The following RNF144A variants were observed in gnomAD, a reference collection of about 807,000 sequenced individuals.
RNF144A encodes the protein E3 ubiquitin-protein ligase RNF144A.
RNF144A carries 11 observed loss-of-function variants against 38.7 expected under a neutral mutation model. The ratio of observed to expected loss-of-function variants is 0.28; its 90% CI spans 0.18 to 0.47. RNF144A has a LOEUF of 0.47. Ranked by LOEUF, RNF144A falls within the 20% of genes least tolerant of loss-of-function variation. The pLI is 0.99. For missense variants in RNF144A, 316 were observed against 377.2 expected, an observed-to-expected ratio of 0.84 and a Z score of 1.34; for synonymous variants, 149 against 143.9, an observed-to-expected ratio of 1.04 and a Z score of -0.25.
Position 6,996,902 on chromosome 2 carries a change from T to C in RNF144A, c.-11-14T>C. On this transcript the variant is annotated splice_polypyrimidine_tract_variant and intron_variant, in intron 2 of 8. Transcript: ENST00000320892. ...GGTGGGGAGGTCTGACCTTCCGTGCTTCTCTCGTTTCAGACTGTTCTGCGA... is the reference window on the plus strand; with the variant it reads ...GGTGGGGAGGTCTGACCTTCCGTGCCTCTCTCGTTTCAGACTGTTCTGCGA... 2 of 1,610,576 alleles carry C rather than the reference T, an allele frequency of 1.2e-6. No homozygotes were observed. The highest frequency in any genetic ancestry group is 1.3e-5 in the African/African-American group (1 of 74,954).
intron 2 of RNF144A, among the ~76,000 whole-genome samples, chr2:6,990,969 T>A (rs1190370252): frequency 6.6e-6 from 1 of 152,204 alleles, no homozygotes; most frequent in Non-Finnish European, 1.5e-5. Flanking sequence ...TTCTTGCAGG[T>A]AGTAATATGC....
At chr2:7,057,450 T>A (rs1252267837) in intron 6 of RNF144A, among the ~76,000 whole-genome samples, 1 of 152,202 alleles carries the variant, frequency 6.6e-6, no homozygotes, top group African/African-American at 2.4e-5. Context: ...GGCAGTAAGA[T>A]GTTAGACAGT....
At position 6,943,882 on chromosome 2, in the gene RNF144A, C is replaced by T. The variant is rs542241957; in HGVS notation, c.-12+2735C>T. ...AAAGTCCTCTAGAGAGATGGAGGTG[C>T]AGAGCGGTCACCTGAAGCATTCACA... On this transcript the variant is annotated intron_variant, in intron 2 of 8. Transcript: ENST00000320892. The surrounding 1 kb of genome is among the most constrained non-coding windows in gnomAD (Gnocchi z 4.3). Among the ~76,000 whole-genome samples, 1 of 152,258 alleles carries T rather than the reference C, an allele frequency of 6.6e-6. No individual in the cohort carries two copies. Among genetic ancestry groups the T allele is most frequent in the Non-Finnish European group, 1.5e-5 (1 of 68,012 alleles).
intron 3 of RNF144A, among the ~76,000 whole-genome samples, chr2:7,006,684 C>A (rs1670462561): frequency 6.6e-6 from 1 of 152,144 alleles, no homozygotes; most frequent in Non-Finnish European, 1.5e-5. Context: ...CTCTCCATGG[C>A]CACCTCCCCA....
intron 7 of RNF144A, 127 bp downstream of exon 7, chr2:7,024,643 CGTTT>C: frequency 3.8e-6 from 4 of 1,053,312 alleles, no homozygotes; most frequent in Non-Finnish European, 5.4e-6. Flanking sequence ...GAAGCAACAC[CGTTT>C]GGTGTTTCTC....
Position 7,043,267 on chromosome 2 carries a change from G to A in RNF144A, c.*3507G>A, listed in dbSNP as rs72783733. 9,637 of 985,012 alleles carry A rather than the reference G, an allele frequency of 9.8e-3. 60 individuals are homozygous for A. The highest frequency in any genetic ancestry group is 0.011 in the Non-Finnish European group (9,038 of 829,558). The allele number at this position is 985,012 out of a possible 1,614,324, so 61.0% of individuals were successfully genotyped here. A position where few individuals can be genotyped will look rare whatever the true frequency, so the allele number is the denominator to read the frequency against. On this transcript the variant is annotated 3_prime_UTR_variant, in exon 9 of 9. Transcript: ENST00000320892. ...CCTGATTAGAACACAGGACCTGTGG[G>A]AGGGACTATCAGAGATGCAAAAATT...
intron 5 of RNF144A, among the ~76,000 whole-genome samples, chr2:7,016,135 A>C (rs983225122): frequency 2.0e-5 from 3 of 151,828 alleles, no homozygotes; most frequent in Non-Finnish European, 4.4e-5. Context: ...AAGAAAAAGA[A>C]AAAAATATGT....
Position 7,039,842 on chromosome 2 carries a change from A to G in RNF144A, c.*82A>G. The G allele has an allele frequency of 6.4e-7, 1 of 1,553,190 alleles. No individual in the cohort carries two copies. The highest frequency in any genetic ancestry group is 8.7e-7 in the Non-Finnish European group (1 of 1,147,524). On this transcript the variant is annotated 3_prime_UTR_variant, in exon 9 of 9. Coordinates refer to ENST00000320892, the MANE Select transcript of RNF144A (RefSeq NM_014746.6). ...CCCTCCCCACCGTCCCCCCTTCACT[A>G]AACATCTTTCTTGCCTTATGTGCCC...
At chr2:6,965,776 ATC>A (rs1351883746) in intron 2 of RNF144A, among the ~76,000 whole-genome samples, 1 of 152,150 alleles carries the variant, frequency 6.6e-6, no homozygotes, top group African/African-American at 2.4e-5. Flanking sequence ...TTAAAAGGAA[ATC>A]TCTCTTTTAC....
chr2:6,978,888 T>A (rs1198543075), intron 2 of RNF144A: 1 of 152,652 alleles, frequency 6.6e-6, no homozygotes, highest in Non-Finnish European at 1.5e-5. Context: ...CCCATTGTTG[T>A]CCAGCAAAGG....
At chr2:7,037,040 C>A (rs1023591821) in intron 8 of RNF144A, among the ~76,000 whole-genome samples, 1 of 152,208 alleles carries the variant, frequency 6.6e-6, no homozygotes, top group Admixed American at 6.5e-5. Flanking sequence ...ACGAACGAAG[C>A]TGTGCTGTAC....
chr2:6,921,645 G>T (rs1308200114), intron 1 of RNF144A, among the ~76,000 whole-genome samples: 2 of 152,198 alleles, frequency 1.3e-5, no homozygotes, highest in Non-Finnish European at 2.9e-5. Flanking sequence ...GTAGTCTAGG[G>T]AGCGGGAAGC....
At chr2:7,000,838 A>G (rs1219505899) in intron 3 of RNF144A, among the ~76,000 whole-genome samples, 1 of 150,612 alleles carries the variant, frequency 6.6e-6, no homozygotes, top group Non-Finnish European at 1.5e-5. Context: ...ATATACACAT[A>G]TATTTTATAT....
At chr2:7,008,024 G>A (rs993768802) in intron 3 of RNF144A, among the ~76,000 whole-genome samples, 8 of 152,206 alleles carry the variant, frequency 5.3e-5, no homozygotes, top group Non-Finnish European at 1.2e-4. Context: ...TGGTATAGTG[G>A]AAAGCACAGT....
rs562595171 is a variant in RNF144A, at chr2:6,962,003, C to T, written c.-12+20856C>T. On this transcript the variant is annotated intron_variant, in intron 2 of 8. Transcript: ENST00000320892. This position sits in a 1 kb window ranked among gnomAD's most constrained non-coding sequence, Gnocchi z 4.1. Reference sequence around the variant, plus strand: ...CAGGGAGAACAAGGACACGGACATACGAAGAGTGAGGTTGACAGTGGAAGT... The same window carrying T: ...CAGGGAGAACAAGGACACGGACATATGAAGAGTGAGGTTGACAGTGGAAGT... 2.6e-5 allele frequency among the ~76,000 whole-genome samples: 4 copies of T among 152,178 alleles called. No homozygotes were observed. The highest frequency in any genetic ancestry group is 6.5e-5 in the Admixed American group (1 of 15,276).
intron 6 of RNF144A, among the ~76,000 whole-genome samples, chr2:7,052,251 T>G (rs1673560702): frequency 6.6e-6 from 1 of 152,194 alleles, no homozygotes; most frequent in South Asian, 2.1e-4. Context: ...CCTTTTTCCT[T>G]TCTTCTGTGG....
chr2:7,051,409 G>A (rs1338957046), intron 6 of RNF144A, among the ~76,000 whole-genome samples: 1 of 152,162 alleles, frequency 6.6e-6, no homozygotes, highest in East Asian at 1.9e-4. Context: ...AGGATTTCAG[G>A]TTAAGGTTGG....
At chr2:7,016,376 C>A (rs1671138713) in intron 5 of RNF144A, among the ~76,000 whole-genome samples, 1 of 152,148 alleles carries the variant, frequency 6.6e-6, no homozygotes, top group Non-Finnish European at 1.5e-5. Flanking sequence ...TTGACAGAAA[C>A]TGGCTGTTGT....
Position 6,983,156 on chromosome 2 carries a change from C to T in RNF144A, c.-11-13760C>T, listed in dbSNP as rs190991495. On this transcript the variant is annotated intron_variant, in intron 2 of 8. Coordinates refer to ENST00000320892, the MANE Select transcript of RNF144A (RefSeq NM_014746.6). Reference sequence around the variant, plus strand: ...TTACTGCTTCCTTTGCTAAAGATACCGTCTCCCTTACCAGGAGGACATAGT... The same window carrying T: ...TTACTGCTTCCTTTGCTAAAGATACTGTCTCCCTTACCAGGAGGACATAGT... 3.9e-5 allele frequency among the ~76,000 whole-genome samples: 6 copies of T among 152,296 alleles called. No individual in the cohort carries two copies. In the East Asian group the frequency reaches 5.8e-4, roughly 15 times the overall value.
Sources: allele counts gnomAD v4.1 joint callset (sites outside exome capture counted in the v4.1 genomes callset), GRCh38; gene constraint gnomAD v4.1.1; non-coding constraint Gnocchi (gnomAD v3.1); transcripts MANE v1.5; gene names NCBI Gene and HGNC (gene_info 2026-07-23, HGNC 2026-07-21).